The following FKBP5 variants were observed in gnomAD, a reference collection of about 807,000 sequenced individuals.
FKBP5 encodes the protein FKBP prolyl isomerase 5.
FKBP5 carries 23 observed loss-of-function variants against 50.5 expected under a neutral mutation model. That is an observed-to-expected ratio of 0.46 (90% CI 0.33 to 0.65). FKBP5 has a LOEUF of 0.65. Among genes scored for constraint, FKBP5 ranks in the 30% least tolerant of loss-of-function variants. FKBP5 has a pLI of 0.02. For synonymous variants in FKBP5, 176 were observed against 190.6 expected (o/e 0.92, Z 0.63); for missense variants, 411 against 553.1 (o/e 0.74, Z 2.58).
chr6:35,617,110 C>G lies in FKBP5; in HGVS notation c.508+1986G>C, dbSNP rs569186038. 6.6e-5 allele frequency among the ~76,000 whole-genome samples: 10 copies of G among 152,084 alleles called. No homozygotes were observed. The South Asian group carries it at 1.5e-3, about 22-fold the overall frequency. ...CCAACTCCTAGTCTGGAGCTATTTC[C>G]CTGGTATTCTACATTTAAAGCTCTT... On this transcript the variant is annotated intron_variant, in intron 5 of 10. Coordinates refer to ENST00000357266, the MANE Select transcript of FKBP5 (RefSeq NM_004117.4).
At chr6:35,593,355 C>T (rs1762879135) in intron 6 of FKBP5, among the ~76,000 whole-genome samples, 1 of 152,168 alleles carries the variant, frequency 6.6e-6, no homozygotes, top group Non-Finnish European at 1.5e-5. Context: ...CCTTAATGTG[C>T]ATATAAGAAG....
chr6:35,578,193 A>G (rs1374194922), intron 9 of FKBP5, among the ~76,000 whole-genome samples: 1 of 151,846 alleles, frequency 6.6e-6, no homozygotes, highest in African/African-American at 2.4e-5. Context: ...AAATATAATC[A>G]TTATTTTTTT....
At chr6:35,594,189 T>A (rs1358606392) in intron 6 of FKBP5, among the ~76,000 whole-genome samples, 1 of 151,900 alleles carries the variant, frequency 6.6e-6, no homozygotes, top group African/African-American at 2.4e-5. Flanking sequence ...ACCCTGTTTC[T>A]ACAAAATGAA....
intron 6 of FKBP5, among the ~76,000 whole-genome samples, chr6:35,592,037 T>C (rs1487605614): frequency 6.6e-6 from 1 of 152,244 alleles, no homozygotes; most frequent in Non-Finnish European, 1.5e-5. Context: ...ATGGGAGCTG[T>C]AGCAGAGCTC....
intron 1 of FKBP5, among the ~76,000 whole-genome samples, chr6:35,683,076 CTCTT>C (rs1287632191): frequency 1.3e-5 from 2 of 148,940 alleles, no homozygotes; most frequent in African/African-American, 2.5e-5. Context: ...ATATCCCAAG[CTCTT>C]TCTTTAAAAA....
intron 5 of FKBP5, among the ~76,000 whole-genome samples, chr6:35,602,041 G>A (rs2150966707): frequency 6.6e-6 from 1 of 152,192 alleles, no homozygotes; most frequent in Admixed American, 6.5e-5. Context: ...CTGACTTATT[G>A]TTCTCTTACT....
intron 1 of FKBP5, among the ~76,000 whole-genome samples, chr6:35,653,595 A>G (rs911048540): frequency 6.6e-6 from 1 of 152,202 alleles, no homozygotes; most frequent in African/African-American, 2.4e-5. Context: ...ATTTGAATTC[A>G]TTCATGTTAA....
At chr6:35,579,956 G>T in intron 9 of FKBP5, 80 bp downstream of exon 9, 2 of 1,082,722 alleles carry the variant, frequency 1.8e-6, no homozygotes, top group East Asian at 2.5e-5. Flanking sequence ...TGCAACCTTT[G>T]GCTGAGAGGA....
intron 8 of FKBP5, chr6:35,580,716 T>C (rs1208349823): frequency 4.0e-5 from 12 of 297,020 alleles, no homozygotes; most frequent in Non-Finnish European, 6.0e-5. Context: ...TTTTTTTTTG[T>C]ATTTTTAGTA....
intron 5 of FKBP5, among the ~76,000 whole-genome samples, chr6:35,604,402 A>G (rs1763243522): frequency 6.6e-6 from 1 of 152,252 alleles, no homozygotes; most frequent in Non-Finnish European, 1.5e-5. Context: ...AAAATATTTG[A>G]AAGAATAAAC....
chr6:35,609,371 T>C (rs868481148), intron 5 of FKBP5, among the ~76,000 whole-genome samples: 9 of 152,216 alleles, frequency 5.9e-5, no homozygotes. Flanking sequence ...CACATAGCTA[T>C]AGACAATGAT....
At chr6:35,648,852 G>A (rs1015663022) in intron 1 of FKBP5, among the ~76,000 whole-genome samples, 4 of 152,162 alleles carry the variant, frequency 2.6e-5, no homozygotes, top group Non-Finnish European at 5.9e-5. Context: ...AGGTGGCTGA[G>A]ACAGGAGAAT....
chr6:35,624,295 A>G (rs368029256), intron 3 of FKBP5, among the ~76,000 whole-genome samples: 1 of 152,156 alleles, frequency 6.6e-6, no homozygotes, highest in East Asian at 1.9e-4. Flanking sequence ...AACATGAGAC[A>G]AGGTCACTCT....
intron 1 of FKBP5, among the ~76,000 whole-genome samples, chr6:35,666,483 T>C (rs1428686728): frequency 6.9e-6 from 1 of 144,650 alleles, no homozygotes; most frequent in Non-Finnish European, 1.5e-5. Flanking sequence ...AATTATATAA[T>C]TAAAAATAAA....
intron 5 of FKBP5, among the ~76,000 whole-genome samples, chr6:35,612,245 G>A (rs1270292848): frequency 6.6e-6 from 1 of 152,154 alleles, no homozygotes; most frequent in Non-Finnish European, 1.5e-5. Flanking sequence ...ACAAAAATTA[G>A]CTGGGTGTGG....
intron 1 of FKBP5, among the ~76,000 whole-genome samples, chr6:35,683,312 CT>C (rs1765733047): frequency 6.6e-6 from 1 of 151,816 alleles, no homozygotes; most frequent in Non-Finnish European, 1.5e-5. Context: ...GCTACCACAC[CT>C]GGAGAACTTT....
At chr6:35,599,534 T>G (rs79401865) in intron 5 of FKBP5, among the ~76,000 whole-genome samples, 1 of 152,226 alleles carries the variant, frequency 6.6e-6, no homozygotes, top group Non-Finnish European at 1.5e-5. Flanking sequence ...TTAGTATATG[T>G]GCTGCCGAAG....
intron 7 of FKBP5, 152 bp downstream of exon 7, chr6:35,590,978 A>G (rs1013989361): frequency 1.2e-5 from 6 of 503,766 alleles, no homozygotes; most frequent in Non-Finnish European, 1.8e-5. Context: ...CAGTTGTTCT[A>G]TTCTTCAGCA....
At chr6:35,727,393 G>A (rs897845713) in intron 1 of FKBP5, among the ~76,000 whole-genome samples, 10 of 152,216 alleles carry the variant, frequency 6.6e-5, no homozygotes, top group Non-Finnish European at 1.2e-4. Flanking sequence ...GGAAGGGTCA[G>A]ATTCCAGGGG....
Sources: gnomAD v4.1 joint callset for allele counts (sites outside exome capture counted in the v4.1 genomes callset) on GRCh38, gnomAD v4.1.1 for gene constraint, MANE v1.5 for transcripts, NCBI Gene and HGNC (gene_info 2026-07-23, HGNC 2026-07-21) for gene names.